CPLANE1: variants seen among roughly 807,000 people sequenced by gnomAD.
The protein encoded by CPLANE1 is ciliogenesis and planar polarity effector 1.
A neutral mutation model predicts 362.5 loss-of-function variants in CPLANE1; 263 were observed. The ratio of observed to expected loss-of-function variants is 0.73; its 90% CI spans 0.66 to 0.80. The LOEUF (loss-of-function observed/expected upper bound fraction) is 0.80. Ranked by LOEUF, CPLANE1 falls within the 30% of genes least tolerant of loss-of-function variation. CPLANE1 has a pLI of 0.00. For synonymous variants in CPLANE1, 1,212 were observed against 1,302.6 expected, an observed-to-expected ratio of 0.93 and a Z score of 1.50; for missense variants, 3,461 against 3,793.4, an observed-to-expected ratio of 0.91 and a Z score of 2.30.
chr5:37,103,849 T>C (rs1757413604), downstream of CPLANE1, among the ~76,000 whole-genome samples: 1 of 152,186 alleles, frequency 6.6e-6, no homozygotes, highest in Non-Finnish European at 1.5e-5. Flanking sequence ...GTTTTGGGGT[T>C]TTCTTGTAAA....
At chr5:37,201,478 G>T in intron 19 of CPLANE1, 113 bp downstream of exon 19, 1 of 794,200 alleles carries the variant, frequency 1.3e-6, no homozygotes. Context: ...GGATCTATAC[G>T]TTTGTCTTTA....
Position 37,170,062 on chromosome 5 carries a change from TTGACCAGA to T in CPLANE1, c.6433_6440del (p.Ser2145LysfsTer2). ...TTACCTGTACGTTTCCAGTACTATT[TTGACCAGA>T]TGGGATAGTTCCTTCATGGCAGTGT... is the stretch of plus-strand genomic sequence containing the variant. On this transcript the variant is annotated frameshift_variant, in exon 33 of 53. Coordinates refer to ENST00000651892, the MANE Select transcript of CPLANE1 (RefSeq NM_001384732.1). LOFTEE classifies it high-confidence loss of function. 1 of 1,614,090 alleles carries T rather than the reference TTGACCAGA, an allele frequency of 6.2e-7. No individual in the cohort carries two copies.
At chr5:37,128,042 AAAAC>A (rs1040102668) in intron 46 of CPLANE1, among the ~76,000 whole-genome samples, 7 of 152,124 alleles carry the variant, frequency 4.6e-5, no homozygotes, top group East Asian at 1.9e-4. Context: ...CCTGTCTCAA[AAAAC>A]AAACAAACAA....
intron 44 of CPLANE1, chr5:37,141,626 T>C (rs1769740960): frequency 6.2e-6 from 6 of 969,322 alleles, no homozygotes; most frequent in Non-Finnish European, 6.1e-6. Flanking sequence ...TAATAGAACA[T>C]ATACTAAACA....
chr5:37,118,165 T>G (rs1487623000), intron 50 of CPLANE1, among the ~76,000 whole-genome samples: 1 of 151,738 alleles, frequency 6.6e-6, no homozygotes, highest in Non-Finnish European at 1.5e-5. Context: ...GAGGCTGAGG[T>G]GGGTAGATGC....
At chr5:37,119,973 C>T (rs984024907) in intron 50 of CPLANE1, among the ~76,000 whole-genome samples, 1 of 150,172 alleles carries the variant, frequency 6.7e-6, no homozygotes, top group Non-Finnish European at 1.5e-5. Context: ...GGTGACAGAG[C>T]GAGACTCTGC....
At chr5:37,112,817 AG>A (rs941550294) in intron 51 of CPLANE1, among the ~76,000 whole-genome samples, 1 of 152,240 alleles carries the variant, frequency 6.6e-6, no homozygotes, top group African/African-American at 2.4e-5. Flanking sequence ...TTTCAGAGGC[AG>A]GGTTACCATT....
At chr5:37,247,588 C>T (rs1740167523) in intron 2 of CPLANE1, 30 bp downstream of exon 2, 3 of 1,534,022 alleles carry the variant, frequency 2.0e-6, no homozygotes, top group Admixed American at 2.0e-5. Context: ...ATATATAAAA[C>T]TGGTATTGCA....
chr5:37,196,451 C>T (rs1169290736), intron 20 of CPLANE1, among the ~76,000 whole-genome samples: 8 of 152,104 alleles, frequency 5.3e-5, no homozygotes, highest in Non-Finnish European at 1.2e-4. Context: ...CTAATAATGA[C>T]TCTAGGCAAG....
chr5:37,097,396 A>G, the CPLANE1 span, among the ~76,000 whole-genome samples: 2 of 152,154 alleles, frequency 1.3e-5, no homozygotes. Flanking sequence ...GCAACCAAAT[A>G]TATGGATTTC....
intron 35 of CPLANE1, among the ~76,000 whole-genome samples, chr5:37,166,719 G>A (rs1279777003): frequency 1.3e-5 from 2 of 152,166 alleles, no homozygotes; most frequent in African/African-American, 4.8e-5. Flanking sequence ...CTGGGGATAA[G>A]GGAGGACTAC....
At chr5:37,085,815 G>C in the CPLANE1 span, 7 of 1,414,626 alleles carry the variant, frequency 4.9e-6, no homozygotes, top group Non-Finnish European at 7.0e-6. Context: ...GCTGAAGAGA[G>C]AGACAAAAGA....
intron 25 of CPLANE1, 59 bp downstream of exon 25, chr5:37,184,729 G>T: frequency 6.8e-7 from 1 of 1,465,084 alleles, no homozygotes; most frequent in Non-Finnish European, 9.3e-7. Flanking sequence ...CTCATCAGAT[G>T]CCTGAAAGCT....
intron 33 of CPLANE1, 21 bp downstream of exon 33, chr5:37,170,020 T>C: frequency 6.2e-7 from 1 of 1,605,290 alleles, no homozygotes; most frequent in Non-Finnish European, 8.5e-7. Flanking sequence ...CAGCCATTAA[T>C]GGTATTTTTA....
chr5:37,202,156 TC>T (rs1217697555), intron 18 of CPLANE1, among the ~76,000 whole-genome samples: 1 of 149,594 alleles, frequency 6.7e-6, no homozygotes, highest in Non-Finnish European at 1.5e-5. Context: ...GAGTAACTTT[TC>T]CTTTTTTTTT....
chr5:37,085,825 A>T, the CPLANE1 span: 1 of 1,373,894 alleles, frequency 7.3e-7, no homozygotes, highest in Non-Finnish European at 1.0e-6. Flanking sequence ...GAGACAAAAG[A>T]CTGGGGGCCA....
At chr5:37,176,796 T>C (rs1204456807) in intron 30 of CPLANE1, among the ~76,000 whole-genome samples, 1 of 151,402 alleles carries the variant, frequency 6.6e-6, no homozygotes, top group East Asian at 1.9e-4. Context: ...TCTTGCTCTG[T>C]TGCCCAGGCT....
At chr5:37,135,601 G>A (rs1431007457) in intron 46 of CPLANE1, among the ~76,000 whole-genome samples, 2 of 152,148 alleles carry the variant, frequency 1.3e-5, no homozygotes, top group African/African-American at 4.8e-5. Flanking sequence ...TTGGGAAGTC[G>A]AGGTGGGCGG....
chr5:37,122,956 T>G (rs301891), intron 47 of CPLANE1, among the ~76,000 whole-genome samples: 1 of 152,210 alleles, frequency 6.6e-6, no homozygotes, highest in Non-Finnish European at 1.5e-5. Context: ...ACTAGTTCAA[T>G]TAATATATTT....
Sources: gnomAD v4.1 joint callset for allele counts (sites outside exome capture counted in the v4.1 genomes callset) on GRCh38, gnomAD v4.1.1 for gene constraint, MANE v1.5 for transcripts, NCBI Gene and HGNC (gene_info 2026-07-23, HGNC 2026-07-21) for gene names.